Variants in L2HGDH observed in about 807,000 individuals in gnomAD.
L2HGDH encodes the protein L-2-hydroxyglutarate dehydrogenase, also known as L-2-hydroxyglutarate dehydrogenase, mitochondrial.
Under a neutral mutation model 51.5 loss-of-function variants are expected in L2HGDH, and 34 were observed. The observed-to-expected ratio is 0.66, with a 90% CI of 0.50 to 0.88. The LOEUF (loss-of-function observed/expected upper bound fraction) is 0.88, where lower values mean the gene tolerates loss of function less well. Ranked by LOEUF, L2HGDH falls within the 40% of genes least tolerant of loss-of-function variation. L2HGDH has a pLI of 0.00. For synonymous variants in L2HGDH, 198 were observed against 197.9 expected, an observed-to-expected ratio of 1.00 and a Z score of -0.01; for missense variants, 558 against 571.9, an observed-to-expected ratio of 0.98 and a Z score of 0.25.
intron 9 of L2HGDH, among the ~76,000 whole-genome samples, chr14:50,250,205 G>A (rs1888265566): frequency 1.3e-5 from 2 of 152,170 alleles, no homozygotes; most frequent in Admixed American, 6.5e-5. Context: ...TCTGGCCCAG[G>A]CCAACACTCT....
Position 50,244,543 on chromosome 14 carries a change from G to T in L2HGDH, c.*2515C>A. The T allele has an allele frequency of 1.0e-6, 1 of 985,338 alleles. No individual in the cohort carries two copies. The highest frequency in any genetic ancestry group is 1.2e-6 in the Non-Finnish European group (1 of 829,920). 61.0% of individuals were successfully genotyped at this position (985,338 alleles called of 1,614,324 possible). On this transcript the variant is annotated 3_prime_UTR_variant, in exon 10 of 10. Coordinates refer to ENST00000267436, the MANE Select transcript of L2HGDH (RefSeq NM_024884.3). ...AAAATATCCTGTGTTTGCATTTCTT[G>T]CAGGAATCAGCTGTTATAAAGAAAC...
chr14:50,255,552 A>AAAG (rs1202005021), intron 9 of L2HGDH, among the ~76,000 whole-genome samples: 1 of 148,274 alleles, frequency 6.7e-6, no homozygotes, highest in Admixed American at 6.7e-5. Context: ...AAAAAAAAAA[A>AAAG]AGAAAAGAAA....
intron 3 of L2HGDH, among the ~76,000 whole-genome samples, chr14:50,299,111 T>C (rs566035588): frequency 6.6e-6 from 1 of 152,010 alleles, no homozygotes; most frequent in South Asian, 2.1e-4. Flanking sequence ...AAGACCCGGA[T>C]AAATAAAATC....
At chr14:50,258,665 C>T (rs1888815916) in intron 9 of L2HGDH, among the ~76,000 whole-genome samples, 1 of 151,858 alleles carries the variant, frequency 6.6e-6, no homozygotes. Flanking sequence ...AGGAACATGC[C>T]ACCACACCCA....
rs77236437 is a variant in L2HGDH at position 50,267,748 on chromosome 14, G to A, written c.1064+5C>T. ...AAAATCATTTTTAAAAATAAATAATGTTACCTATTGATAATTATATCCATA... is the reference window on the plus strand; with the variant it reads ...AAAATCATTTTTAAAAATAAATAATATTACCTATTGATAATTATATCCATA... On this transcript the variant is annotated splice_donor_5th_base_variant and intron_variant, in intron 8 of 9. Transcript: ENST00000267436. 2.0e-4 allele frequency: 322 copies of A among 1,596,946 alleles called. No homozygotes were observed. In the African/African-American group the frequency reaches 4.0e-3, roughly 20 times the overall value.
rs756480939 is a variant in L2HGDH at position 50,294,105 on chromosome 14, A to T, written c.540+10T>A. The T allele has an allele frequency of 6.2e-7, 1 of 1,613,686 alleles. No homozygotes were observed. Among genetic ancestry groups the T allele is most frequent in the Non-Finnish European group, 8.5e-7 (1 of 1,179,696 alleles). Reference sequence around the variant, plus strand: ...CCCTAAATAAAAACATCCCTTTGTTAATCACTTACCCTACAATATGGCTCC... The same window carrying T: ...CCCTAAATAAAAACATCCCTTTGTTTATCACTTACCCTACAATATGGCTCC... On this transcript the variant is annotated intron_variant, in intron 4 of 9. Transcript: ENST00000267436.
At chr14:50,271,941 G>C (rs973576286) in intron 6 of L2HGDH, among the ~76,000 whole-genome samples, 2 of 152,152 alleles carry the variant, frequency 1.3e-5, no homozygotes, top group Admixed American at 1.3e-4. Flanking sequence ...AGGAGTTCAA[G>C]ACTAGCCTGG....
intron 9 of L2HGDH, among the ~76,000 whole-genome samples, chr14:50,260,130 T>C (rs1394638683): frequency 6.6e-6 from 1 of 152,138 alleles, no homozygotes; most frequent in East Asian, 1.9e-4. Context: ...TGAGGGATTC[T>C]AGATTTTGGG....
Position 50,258,397 on chromosome 14 carries a change from TA to T in L2HGDH, c.1196+6960del, listed in dbSNP as rs968499007. Reference sequence around the variant, plus strand: ...CACCCAGCTAATTGTTTTTTAAAAATATTTTTTTAGAGACAAGGTCTCACTA... The same window carrying T: ...CACCCAGCTAATTGTTTTTTAAAAATTTTTTTTAGAGACAAGGTCTCACTA... On this transcript the variant is annotated intron_variant, in intron 9 of 9. Coordinates refer to ENST00000267436, the MANE Select transcript of L2HGDH (RefSeq NM_024884.3). Among the ~76,000 whole-genome samples the T allele has an allele frequency of 5.3e-5, 8 of 152,136 alleles. No individual in the cohort carries two copies. In the East Asian group the frequency reaches 9.7e-4, roughly 18 times the overall value.
At chr14:50,302,220 A>AT (rs745329352) in intron 2 of L2HGDH, 52 bp from the exon 3 acceptor site, 1 of 1,584,822 alleles carries the variant, frequency 6.3e-7, no homozygotes, top group Non-Finnish European at 8.7e-7. Flanking sequence ...CATACAAAAC[A>AT]TAAGAGGTAA....
chr14:50,275,882 A>G (rs1889953112), intron 6 of L2HGDH, among the ~76,000 whole-genome samples: 1 of 152,212 alleles, frequency 6.6e-6, no homozygotes, highest in African/African-American at 2.4e-5. Flanking sequence ...CTTCGCTATT[A>G]TGATCTAGAG....
chr14:50,257,481 C>A (rs1388829593), intron 9 of L2HGDH, among the ~76,000 whole-genome samples: 3 of 151,742 alleles, frequency 2.0e-5, no homozygotes, highest in Middle Eastern at 3.2e-3. Flanking sequence ...GCCATCCTCC[C>A]TCCTCGGCCT....
intron 3 of L2HGDH, among the ~76,000 whole-genome samples, chr14:50,300,579 G>A (rs1393167856): frequency 7.2e-5 from 11 of 152,226 alleles, no homozygotes; most frequent in East Asian, 5.8e-4. Flanking sequence ...ACAGGCAGGC[G>A]TGAGCCACCC....
At chr14:50,311,243 G>A in intron 1 of L2HGDH, 3 of 430,298 alleles carry the variant, frequency 7.0e-6, no homozygotes, top group South Asian at 1.6e-5. Context: ...ATAGCTTCCC[G>A]TGGCTCTTAG....
At chr14:50,249,493 T>C (rs932615646) in intron 9 of L2HGDH, among the ~76,000 whole-genome samples, 1 of 151,832 alleles carries the variant, frequency 6.6e-6, no homozygotes, top group Non-Finnish European at 1.5e-5. Context: ...CTGGGCAGAG[T>C]TGTGAGGCCC....
At chr14:50,265,539 C>T (rs764651935) in intron 8 of L2HGDH, 50 bp from the exon 9 acceptor site, 46 of 1,438,328 alleles carry the variant, frequency 3.2e-5, no homozygotes, top group Admixed American at 1.2e-4. Flanking sequence ...TTCTTTATTA[C>T]GTAAAATACC....
At chr14:50,280,041 T>C (rs1335897905) in intron 5 of L2HGDH, among the ~76,000 whole-genome samples, 57 of 133,754 alleles carry the variant, frequency 4.3e-4, no homozygotes, top group African/African-American at 1.5e-3. Flanking sequence ...GCCTGGGCAA[T>C]AGGGTGAGAC....
At chr14:50,258,483 A>G (rs578144258) in intron 9 of L2HGDH, among the ~76,000 whole-genome samples, 1 of 151,168 alleles carries the variant, frequency 6.6e-6, no homozygotes, top group Admixed American at 6.6e-5. Context: ...TCAGTCTCCC[A>G]AAGTGCTGGG....
chr14:50,306,307 C>T (rs1566542350), intron 1 of L2HGDH, among the ~76,000 whole-genome samples: 2 of 152,144 alleles, frequency 1.3e-5, no homozygotes, highest in South Asian at 4.1e-4. Context: ...CCTCAGCCTC[C>T]CAAAGTGCTG....
Sources: allele counts gnomAD v4.1 joint callset (sites outside exome capture counted in the v4.1 genomes callset), GRCh38; gene constraint gnomAD v4.1.1; transcripts MANE v1.5; gene names NCBI Gene and HGNC (gene_info 2026-07-23, HGNC 2026-07-21).